Variants in ERGIC2 observed in about 807,000 individuals in gnomAD.
The protein encoded by ERGIC2 is ERGIC and golgi 2.
A neutral mutation model predicts 52.5 loss-of-function variants in ERGIC2; 31 were observed. That is an observed-to-expected ratio of 0.59 (90% CI 0.44 to 0.80). The LOEUF (loss-of-function observed/expected upper bound fraction) is 0.80, where lower values mean the gene tolerates loss of function less well. Ranked by LOEUF, ERGIC2 falls within the 30% of genes least tolerant of loss-of-function variation. The probability of loss-of-function intolerance (pLI) is 0.00; values close to 1 mark genes in which losing one functional copy is unlikely to be tolerated. For synonymous variants in ERGIC2, 129 were observed against 140.6 expected (o/e 0.92, Z 0.58); for missense variants, 395 against 455.2 (o/e 0.87, Z 1.20).
At chr12:29,371,723 G>C (rs1042528859) in intron 1 of ERGIC2, 53 bp from the exon 2 acceptor site, 2 of 816,818 alleles carry the variant, frequency 2.4e-6, no homozygotes, top group Non-Finnish European at 3.8e-6. Context: ...AGATAAAAAG[G>C]TTTCTTTAAA....
Position 29,373,180 on chromosome 12 carries a change from T to C in ERGIC2, c.-37-1510A>G, listed in dbSNP as rs138077903. Among the ~76,000 whole-genome samples, 1,029 of 152,290 alleles carry C rather than the reference T, an allele frequency of 6.8e-3. 12 individuals carry two copies. Among genetic ancestry groups the C allele is most frequent in the African/African-American group, 0.024 (977 of 41,560 alleles). On this transcript the variant is annotated intron_variant, in intron 1 of 13. Coordinates refer to ENST00000360150, the MANE Select transcript of ERGIC2 (RefSeq NM_016570.3). ...ATATAACTTCAGATTTCCCATGTTA[T>C]CTATTTTTATAATCAAAACATTTAA...
chr12:29,357,803 AGCTG>A, intron 6 of ERGIC2, 79 bp from the exon 7 acceptor site: 1 of 807,810 alleles, frequency 1.2e-6, no homozygotes, highest in Non-Finnish European at 2.1e-6. Context: ...GACAATGTTT[AGCTG>A]ACTTAGTTAA....
At chr12:29,361,753 A>T in intron 5 of ERGIC2, 68 bp from the exon 6 acceptor site, 3 of 1,365,488 alleles carry the variant, frequency 2.2e-6, no homozygotes, top group Non-Finnish European at 3.0e-6. Flanking sequence ...ATAATTTAAA[A>T]TTTTTTCTTT....
intron 5 of ERGIC2, among the ~76,000 whole-genome samples, chr12:29,365,105 G>A (rs1334834841): frequency 6.6e-6 from 1 of 151,992 alleles, no homozygotes; most frequent in Non-Finnish European, 1.5e-5. Context: ...CCATTACTGG[G>A]TATATACTCA....
At chr12:29,366,989 G>A (rs1010401504) in intron 4 of ERGIC2, 42 bp from the exon 5 acceptor site, 1 of 1,291,968 alleles carries the variant, frequency 7.7e-7, no homozygotes, top group Non-Finnish European at 1.1e-6. Context: ...TTCTATGCTT[G>A]GAGGCAAACC....
chr12:29,347,169 G>A (rs1163491096), intron 10 of ERGIC2, among the ~76,000 whole-genome samples: 16 of 152,268 alleles, frequency 1.1e-4, no homozygotes, highest in Non-Finnish European at 1.5e-5. Flanking sequence ...TGATTCATCT[G>A]CAAAAAGTAA....
intron 5 of ERGIC2, among the ~76,000 whole-genome samples, chr12:29,365,895 T>C (rs10843394): frequency 0.016 from 2,462 of 151,872 alleles, 66 homozygotes; most frequent in African/African-American, 0.05. Context: ...AGAGTCAGAG[T>C]GGCAATAACA....
intron 4 of ERGIC2, among the ~76,000 whole-genome samples, chr12:29,367,570 G>C (rs2136874849): frequency 6.6e-6 from 1 of 151,862 alleles, no homozygotes; most frequent in Non-Finnish European, 1.5e-5. Flanking sequence ...TTCTGAGATA[G>C]AATCTCACAG....
chr12:29,371,385 G>A, intron 2 of ERGIC2, 143 bp downstream of exon 2: 1 of 547,354 alleles, frequency 1.8e-6, no homozygotes, highest in African/African-American at 1.9e-5. Context: ...AGCCAACAGA[G>A]TGGCATGAAG....
chr12:29,367,462 T>C (rs1014753139), intron 4 of ERGIC2, among the ~76,000 whole-genome samples: 27 of 151,802 alleles, frequency 1.8e-4, no homozygotes, highest in African/African-American at 6.0e-4. Context: ...ATATTCAGAA[T>C]TACCACTAAC....
At chr12:29,373,382 CATAAT>C (rs1023265388) in intron 1 of ERGIC2, among the ~76,000 whole-genome samples, 17 of 152,018 alleles carry the variant, frequency 1.1e-4, no homozygotes, top group African/African-American at 3.4e-4. Context: ...AAAATCAACA[CATAAT>C]AGAATAAATC....
chr12:29,342,575 G>A (rs995042820), intron 12 of ERGIC2, among the ~76,000 whole-genome samples: 12 of 151,884 alleles, frequency 7.9e-5, no homozygotes, highest in Non-Finnish European at 1.3e-4. Context: ...ATTACAATTC[G>A]ACAAATAATC....
chr12:29,365,403 G>A (rs1251197772), intron 5 of ERGIC2, among the ~76,000 whole-genome samples: 2 of 151,846 alleles, frequency 1.3e-5, no homozygotes, highest in Non-Finnish European at 2.9e-5. Context: ...GGAGCTAAAC[G>A]CTGGGTACTC....
Position 29,344,257 on chromosome 12 carries a change from C to T in ERGIC2, c.826-975G>A, listed in dbSNP as rs1229428070. Among the ~76,000 whole-genome samples, 5 of 152,262 alleles carry T rather than the reference C, an allele frequency of 3.3e-5. No individual in the cohort carries two copies. The East Asian group carries it at 9.7e-4, about 29-fold the overall frequency. ...ATTTTTATATTTTTGCCCACCGTAT[C>T]TTTGGAATAGCTTTCTCGAAGTGCA... On this transcript the variant is annotated intron_variant, in intron 11 of 13. Coordinates refer to ENST00000360150, the MANE Select transcript of ERGIC2 (RefSeq NM_016570.3).
intron 8 of ERGIC2, among the ~76,000 whole-genome samples, chr12:29,353,554 G>A (rs1431782962): frequency 2.0e-5 from 3 of 151,898 alleles, no homozygotes; most frequent in Admixed American, 1.3e-4. Context: ...TTTGAGCATC[G>A]TGTTGACAAT....
chr12:29,345,585 C>G, intron 10 of ERGIC2, 45 bp from the exon 11 acceptor site: 1 of 961,512 alleles, frequency 1.0e-6, no homozygotes, highest in South Asian at 1.3e-5. Context: ...AGCAACAAAA[C>G]TACTGCCAAA....
At chr12:29,344,750 A>T (rs1940023278) in intron 11 of ERGIC2, among the ~76,000 whole-genome samples, 1 of 152,220 alleles carries the variant, frequency 6.6e-6, no homozygotes, top group South Asian at 2.1e-4. Flanking sequence ...TATAAAGGAA[A>T]GCAAAATTTT....
intron 6 of ERGIC2, among the ~76,000 whole-genome samples, chr12:29,358,385 G>A (rs997355268): frequency 6.6e-6 from 1 of 152,146 alleles, no homozygotes; most frequent in African/African-American, 2.4e-5. Flanking sequence ...ACAGTGGGAA[G>A]GGAAGAATAA....
In ERGIC2 at chr12:29,338,986, G is replaced by C. The variant is rs189000953; in HGVS notation, c.*2170C>G. 6.6e-6 allele frequency: 1 copy of C among 152,160 alleles called. No individual in the cohort carries two copies. Among genetic ancestry groups the C allele is most frequent in the Admixed American group, 6.5e-5 (1 of 15,284 alleles). 9.4% of individuals were successfully genotyped at this position (152,160 alleles called of 1,614,324 possible). ...GGTGAGTAAAGTGCTCTCTGCAATA[G>C]AAAAGAATCACTTGGTGAGGCCAAA... On this transcript the variant is annotated 3_prime_UTR_variant, in exon 14 of 14. Transcript: ENST00000360150.
Sources: allele counts gnomAD v4.1 joint callset (sites outside exome capture counted in the v4.1 genomes callset), GRCh38; gene constraint gnomAD v4.1.1; transcripts MANE v1.5; gene names NCBI Gene and HGNC (gene_info 2026-07-23, HGNC 2026-07-21).